The following RAB11FIP3 variants were observed in gnomAD, a reference collection of about 807,000 sequenced individuals.
RAB11FIP3 encodes the protein RAB11 family interacting protein 3.
Under a neutral mutation model 77.8 loss-of-function variants are expected in RAB11FIP3, and 17 were observed. The ratio of observed to expected loss-of-function variants is 0.22; its 90% CI spans 0.15 to 0.33. RAB11FIP3 has a LOEUF of 0.33. RAB11FIP3 is among the 10% of genes least tolerant of loss of function. The pLI, the probability that RAB11FIP3 is intolerant of heterozygous loss-of-function variation, is 1.00. For missense variants in RAB11FIP3, 1,005 were observed against 1,011.2 expected (o/e 0.99, Z 0.08); for synonymous variants, 437 against 448.2 (o/e 0.98, Z 0.31).
intron 9 of RAB11FIP3, among the ~76,000 whole-genome samples, chr16:517,926 G>T (rs936576772): frequency 6.6e-6 from 1 of 151,950 alleles, no homozygotes; most frequent in Non-Finnish European, 1.5e-5. Flanking sequence ...ACTAAAAATA[G>T]AAAAAATTAG....
Position 520,717 on chromosome 16 carries a change from G to C in RAB11FIP3, c.2158-9G>C, listed in dbSNP as rs1450703089. 8.1e-6 allele frequency: 13 copies of C among 1,613,342 alleles called. No homozygotes were observed. Among genetic ancestry groups the C allele is most frequent in the Non-Finnish European group, 1.1e-5 (13 of 1,179,902 alleles). On this transcript the variant is annotated splice_polypyrimidine_tract_variant and intron_variant, in intron 13 of 13. Coordinates refer to ENST00000262305, the MANE Select transcript of RAB11FIP3 (RefSeq NM_014700.4). ...GCGCCTCAGCTCTGACCACCTGCTT[G>C]CCCTACAGCTCATGGAGGCGATTCA...
At chr16:454,780 C>T (rs1389260659) in intron 1 of RAB11FIP3, among the ~76,000 whole-genome samples, 1 of 152,148 alleles carries the variant, frequency 6.6e-6, no homozygotes, top group Non-Finnish European at 1.5e-5. Flanking sequence ...GGCGCAGTGG[C>T]TCACACCTGT....
At chr16:457,511 CTTT>C (rs35462064) in intron 1 of RAB11FIP3, among the ~76,000 whole-genome samples, 1 of 139,054 alleles carries the variant, frequency 7.2e-6, no homozygotes, top group Non-Finnish European at 1.6e-5. Flanking sequence ...ACAGTTTCAC[CTTT>C]TTTTTTTTTT....
rs540587241 is a variant in RAB11FIP3 at position 507,903 on chromosome 16, G to A, written c.1499+2276G>A. ...CATACAGCTGCCATCCTAAGAGTAC[G>A]TTTCCCGTTTTCAGTATCATCTGCC... On this transcript the variant is annotated intron_variant, in intron 8 of 13. Coordinates refer to ENST00000262305, the MANE Select transcript of RAB11FIP3 (RefSeq NM_014700.4). The surrounding 1 kb of genome is among the most constrained non-coding windows in gnomAD (Gnocchi z 4.6). 2.0e-4 allele frequency among the ~76,000 whole-genome samples: 31 copies of A among 152,122 alleles called. No homozygotes were observed. The highest frequency in any genetic ancestry group is 7.2e-4 in the African/African-American group (30 of 41,458).
chr16:500,053 C>G (rs1202917359), intron 6 of RAB11FIP3, among the ~76,000 whole-genome samples: 1 of 152,244 alleles, frequency 6.6e-6, no homozygotes, highest in African/African-American at 2.4e-5. Context: ...ATTGTAGCCC[C>G]CGGGCCTGGC....
chr16:455,067 A>C (rs1396413047), intron 1 of RAB11FIP3, among the ~76,000 whole-genome samples: 3 of 149,858 alleles, frequency 2.0e-5, no homozygotes, highest in African/African-American at 7.3e-5. Context: ...AAAACAAAAA[A>C]ACTAGGCTTT....
intron 2 of RAB11FIP3, among the ~76,000 whole-genome samples, chr16:469,754 G>A (rs1466260574): frequency 2.0e-5 from 3 of 151,988 alleles, no homozygotes; most frequent in Admixed American, 2.0e-4. Flanking sequence ...TGAACTCCTG[G>A]ACTTAAGCAA....
At position 505,254 on chromosome 16, in the gene RAB11FIP3, G is replaced by A. The variant is rs1421550452; in HGVS notation, c.1396-270G>A. On this transcript the variant is annotated intron_variant, in intron 7 of 13. Transcript: ENST00000262305. The surrounding 1 kb of genome is among the most constrained non-coding windows in gnomAD (Gnocchi z 4.0). The stretch of plus-strand genomic sequence containing the variant: ...AGTCTTGCTGCCCACCAGCCAGCCA[G>A]TCCAAAGGCACCCCTGGGCCCCGAG... Among the ~76,000 whole-genome samples, 1 of 152,072 alleles carries A rather than the reference G, an allele frequency of 6.6e-6. No homozygotes were observed. The highest frequency in any genetic ancestry group is 1.9e-4 in the East Asian group (1 of 5,130).
intron 1 of RAB11FIP3, among the ~76,000 whole-genome samples, chr16:459,152 G>A (rs972817524): frequency 5.1e-4 from 73 of 142,808 alleles, no homozygotes; most frequent in African/African-American, 1.8e-3. Flanking sequence ...TTGAGACAGA[G>A]TTTCGCTGTT....
Position 425,707 on chromosome 16 carries a change from C to A in RAB11FIP3, c.-300C>A. 3.4e-6 allele frequency: 1 copy of A among 293,208 alleles called. No homozygotes were observed. Among genetic ancestry groups the A allele is most frequent in the South Asian group, 1.5e-4 (1 of 6,884 alleles). The allele number at this position is 293,208 out of a possible 1,614,324, so 18.2% of individuals were successfully genotyped here. ...CTCCGCGGCCTCCGGCCTCCTCGGC[C>A]CCCGTCCCCCGGCCTCCTCGGCCCC... On this transcript the variant is annotated 5_prime_UTR_variant, in exon 1 of 14. Coordinates refer to ENST00000262305, the MANE Select transcript of RAB11FIP3 (RefSeq NM_014700.4).
intron 4 of RAB11FIP3, among the ~76,000 whole-genome samples, chr16:487,131 CTTTTTTTTT>C (rs34597208): frequency 1.5e-5 from 2 of 134,504 alleles, no homozygotes; most frequent in Admixed American, 7.5e-5. Context: ...GTTTTGGTTT[CTTTTTTTTT>C]TTTTTTTTGA....
intron 5 of RAB11FIP3, among the ~76,000 whole-genome samples, chr16:492,144 C>T (rs555368289): frequency 6.6e-6 from 1 of 152,346 alleles, no homozygotes; most frequent in East Asian, 1.9e-4. Context: ...CGCTCACTGC[C>T]CACGGCCTTA....
At chr16:495,756 T>C (rs1347733517) in intron 5 of RAB11FIP3, among the ~76,000 whole-genome samples, 1 of 152,156 alleles carries the variant, frequency 6.6e-6, no homozygotes, top group African/African-American at 2.4e-5. Flanking sequence ...AGTAGATTTC[T>C]TTTTTTCTTT....
chr16:484,743 C>T (rs897985577), intron 4 of RAB11FIP3, among the ~76,000 whole-genome samples: 2 of 152,230 alleles, frequency 1.3e-5, no homozygotes, highest in African/African-American at 2.4e-5. Context: ...GTTGACTCTC[C>T]TGTCGGCGGC....
chr16:436,068 T>C (rs1447197750), intron 1 of RAB11FIP3, among the ~76,000 whole-genome samples: 2 of 152,112 alleles, frequency 1.3e-5, no homozygotes, highest in African/African-American at 4.8e-5. Context: ...CCCAGCACTT[T>C]GGGAGGCCGA....
intron 6 of RAB11FIP3, among the ~76,000 whole-genome samples, chr16:500,687 CAAAAAAAAA>C (rs56771770): frequency 1.4e-3 from 31 of 22,306 alleles, no homozygotes; most frequent in Admixed American, 1.5e-3. Context: ...GACTCTGTCG[CAAAAAAAAA>C]AAAAAAAAAA....
chr16:467,007 G>T (rs553937040), intron 2 of RAB11FIP3, among the ~76,000 whole-genome samples: 4 of 152,212 alleles, frequency 2.6e-5, no homozygotes, highest in Non-Finnish European at 5.9e-5. Flanking sequence ...GGGGACACAT[G>T]GGGCAACGGG....
At chr16:518,849 C>T (rs1362870082) in intron 9 of RAB11FIP3, 94 bp from the exon 10 acceptor site, 29 of 1,292,706 alleles carry the variant, frequency 2.2e-5, no homozygotes, top group South Asian at 2.1e-4. Flanking sequence ...GGTCACAGGG[C>T]GGCCCCAGCA....
chr16:450,202 C>G (rs1327119225), intron 1 of RAB11FIP3, among the ~76,000 whole-genome samples: 1 of 152,048 alleles, frequency 6.6e-6, no homozygotes, highest in African/African-American at 2.4e-5. Context: ...CAGGGTCTCA[C>G]TCTGTCGCCC....
Sources: allele counts gnomAD v4.1 joint callset (sites outside exome capture counted in the v4.1 genomes callset), GRCh38; gene constraint gnomAD v4.1.1; non-coding constraint Gnocchi (gnomAD v3.1); transcripts MANE v1.5; gene names NCBI Gene and HGNC (gene_info 2026-07-23, HGNC 2026-07-21).